GUCY2C: variants seen among roughly 807,000 people sequenced by gnomAD.
The protein encoded by GUCY2C is guanylate cyclase 2C.
GUCY2C carries 118 observed loss-of-function variants against 131.1 expected under a neutral mutation model. That is an observed-to-expected ratio of 0.90 (90% CI 0.78 to 1.05). The LOEUF (loss-of-function observed/expected upper bound fraction) is 1.05. GUCY2C is among the 50% of genes least tolerant of loss of function. The pLI is 0.00. For missense variants in GUCY2C, 1,161 were observed against 1,304.4 expected, an observed-to-expected ratio of 0.89 and a Z score of 1.69; for synonymous variants, 452 against 457.8, an observed-to-expected ratio of 0.99 and a Z score of 0.16.
At chr12:14,625,440 G>T (rs1328112520) in intron 21 of GUCY2C, among the ~76,000 whole-genome samples, 4 of 150,928 alleles carry the variant, frequency 2.7e-5, no homozygotes, top group Non-Finnish European at 5.9e-5. Context: ...CCATTCTCCT[G>T]CCTCAGCCTC....
At chr12:14,618,550 A>T (rs1404504247) in intron 24 of GUCY2C, among the ~76,000 whole-genome samples, 1 of 152,066 alleles carries the variant, frequency 6.6e-6, no homozygotes, top group African/African-American at 2.4e-5. Context: ...GAAAAAACGA[A>T]TATGCTTTGG....
rs569832137 is a variant in GUCY2C at position 14,619,196 on chromosome 12, A to G, written c.2875+15T>C. 4.8e-6 allele frequency: 7 copies of G among 1,463,936 alleles called. No individual in the cohort carries two copies. Among genetic ancestry groups the G allele is most frequent in the South Asian group, 4.6e-5 (4 of 87,644 alleles). 90.7% of individuals were successfully genotyped at this position (1,463,936 alleles called of 1,614,324 possible). On this transcript the variant is annotated intron_variant, in intron 24 of 26. Transcript: ENST00000261170. ...AGCATCTTTGTCCTCTGAGAAAAACAGTCTCCCTTCTTACGGAGGCCAGTG... is the reference window on the plus strand; with the variant it reads ...AGCATCTTTGTCCTCTGAGAAAAACGGTCTCCCTTCTTACGGAGGCCAGTG...
At chr12:14,636,801 C>T (rs1315912161) in intron 19 of GUCY2C, among the ~76,000 whole-genome samples, 1 of 151,918 alleles carries the variant, frequency 6.6e-6, no homozygotes, top group Non-Finnish European at 1.5e-5. Flanking sequence ...ATAAAATTAA[C>T]ATACAGGCTG....
At chr12:14,620,991 TGC>T in intron 23 of GUCY2C, 49 bp downstream of exon 23, 1 of 1,395,360 alleles carries the variant, frequency 7.2e-7, no homozygotes, top group East Asian at 2.3e-5. Flanking sequence ...ATTTAGTTGG[TGC>T]ACAGCAGTAC....
At chr12:14,652,155 G>T in intron 13 of GUCY2C, 125 bp from the exon 14 acceptor site, 1 of 264,030 alleles carries the variant, frequency 3.8e-6, no homozygotes. Flanking sequence ...GTATTTGATT[G>T]ATTTTTTATA....
chr12:14,666,098 T>G (rs1326847818), intron 10 of GUCY2C: 1 of 152,264 alleles, frequency 6.6e-6, no homozygotes, highest in African/African-American at 2.4e-5. Context: ...CGGTGTCTGA[T>G]TTATATAGGG....
At chr12:14,666,467 G>GCCAGTAAT (rs1947981756) in intron 10 of GUCY2C, among the ~76,000 whole-genome samples, 1 of 152,214 alleles carries the variant, frequency 6.6e-6, no homozygotes, top group Non-Finnish European at 1.5e-5. Flanking sequence ...GGGCGCCGTG[G>GCCAGTAAT]CTCATGCCTG....
intron 3 of GUCY2C, among the ~76,000 whole-genome samples, chr12:14,685,574 G>A (rs768380074): frequency 7.2e-5 from 11 of 152,146 alleles, no homozygotes; most frequent in African/African-American, 1.2e-4. Flanking sequence ...ATTACATTGT[G>A]TAAAATGAAT....
At chr12:14,679,568 A>G in intron 6 of GUCY2C, 89 bp downstream of exon 6, 2 of 738,264 alleles carry the variant, frequency 2.7e-6, no homozygotes, top group South Asian at 3.1e-5. Flanking sequence ...GGGTTGTACA[A>G]AGCAAGAGAA....
chr12:14,681,167 A>G (rs1472306404), intron 5 of GUCY2C, among the ~76,000 whole-genome samples, 189 bp downstream of exon 5: 2 of 152,162 alleles, frequency 1.3e-5, no homozygotes, highest in Non-Finnish European at 2.9e-5. Context: ...CTCAGAGGAT[A>G]AGGTTTTTAG....
rs1451403795 is a variant in GUCY2C at position 14,676,853 on chromosome 12, C to T, written c.948+1G>A. The T allele has an allele frequency of 9.1e-7, 1 of 1,096,728 alleles. No homozygotes were observed. The highest frequency in any genetic ancestry group is 1.3e-6 in the Non-Finnish European group (1 of 749,826). The allele number at this position is 1,096,728 out of a possible 1,614,324, so 67.9% of individuals were successfully genotyped here. A position where few individuals can be genotyped will look rare whatever the true frequency, so the allele number is the denominator to read the frequency against. On this transcript the variant is annotated splice_donor_variant, in intron 7 of 26. Coordinates refer to ENST00000261170, the MANE Select transcript of GUCY2C (RefSeq NM_004963.4). LOFTEE classifies it high-confidence loss of function. ...TACTATAACATAAAATAATAGCTTA[C>T]TGGTGATAGATTCCTGGAGAAAGAG...
intron 26 of GUCY2C, among the ~76,000 whole-genome samples, chr12:14,614,302 C>G (rs749808242): frequency 6.6e-6 from 1 of 152,100 alleles, no homozygotes; most frequent in African/African-American, 2.4e-5. Flanking sequence ...GAAGCTCATA[C>G]CCAGACTCAG....
Position 14,612,994 on chromosome 12 carries a change from A to G in GUCY2C, c.*123T>C, listed in dbSNP as rs1946679904. The G allele has an allele frequency of 1.3e-6, 1 of 771,444 alleles. No individual in the cohort carries two copies. Among genetic ancestry groups the G allele is most frequent in the African/African-American group, 1.7e-5 (1 of 57,460 alleles). 47.8% of individuals were successfully genotyped at this position (771,444 alleles called of 1,614,324 possible). A position where few individuals can be genotyped will look rare whatever the true frequency, so the allele number is the denominator to read the frequency against. On this transcript the variant is annotated 3_prime_UTR_variant, in exon 27 of 27. Coordinates refer to ENST00000261170, the MANE Select transcript of GUCY2C (RefSeq NM_004963.4). ...AGTCCATGTTCCAGACAGGGCAGCCAAGCCTAAGTACATTTCTGCTTCATT... is the reference window on the plus strand; with the variant it reads ...AGTCCATGTTCCAGACAGGGCAGCCGAGCCTAAGTACATTTCTGCTTCATT...
intron 21 of GUCY2C, among the ~76,000 whole-genome samples, chr12:14,623,812 C>T (rs1946947419): frequency 6.6e-6 from 1 of 152,098 alleles, no homozygotes; most frequent in African/African-American, 2.4e-5. Flanking sequence ...CTCTTCCTGC[C>T]ATGCGAAGAA....
At chr12:14,640,253 A>T (rs1592100207) in intron 18 of GUCY2C, among the ~76,000 whole-genome samples, 1 of 152,064 alleles carries the variant, frequency 6.6e-6, no homozygotes, top group Non-Finnish European at 1.5e-5. Context: ...ACTCGAGCTC[A>T]GGAGCTCAGT....
intron 9 of GUCY2C, among the ~76,000 whole-genome samples, chr12:14,671,100 C>A (rs890927044): frequency 6.6e-6 from 1 of 152,050 alleles, no homozygotes; most frequent in Admixed American, 6.5e-5. Flanking sequence ...CTGGGAGATA[C>A]AATTCAAGTT....
At chr12:14,686,310 C>A in intron 2 of GUCY2C, 85 bp from the exon 3 acceptor site, 1 of 990,962 alleles carries the variant, frequency 1.0e-6, no homozygotes, top group East Asian at 2.5e-5. Context: ...GGAAGGCTCC[C>A]AGAGGTTTAG....
chr12:14,657,809 G>A (rs778729614), intron 11 of GUCY2C, among the ~76,000 whole-genome samples: 37 of 152,088 alleles, frequency 2.4e-4, no homozygotes, highest in Non-Finnish European at 2.6e-4. Context: ...TCAAAAGGTC[G>A]GGGACTGCTG....
intron 15 of GUCY2C, among the ~76,000 whole-genome samples, chr12:14,648,003 C>G (rs533360881): frequency 6.6e-6 from 1 of 151,638 alleles, no homozygotes; most frequent in African/African-American, 2.4e-5. Flanking sequence ...CATTGTTGCC[C>G]GGGCTGAAGT....
Sources: allele counts gnomAD v4.1 joint callset (sites outside exome capture counted in the v4.1 genomes callset), GRCh38; gene constraint gnomAD v4.1.1; transcripts MANE v1.5; gene names NCBI Gene and HGNC (gene_info 2026-07-23, HGNC 2026-07-21).